DEFB108B: variants seen among roughly 807,000 people sequenced by gnomAD.
DEFB108B encodes the protein beta-defensin 108B.
A neutral mutation model predicts 2.4 loss-of-function variants in DEFB108B; 3 were observed. That is an observed-to-expected ratio of 1.25 (90% CI 0.57 to 3.24). The LOEUF (loss-of-function observed/expected upper bound fraction) is 3.24. Ranked by LOEUF, DEFB108B falls within the 30% of genes most tolerant of loss-of-function variation. The pLI, the probability that DEFB108B is intolerant of heterozygous loss-of-function variation, is 0.03. For synonymous variants in DEFB108B, 25 were observed against 28.7 expected (o/e 0.87, Z 0.41); for missense variants, 101 against 87.8 (o/e 1.15, Z -0.60).
chr11:71,834,248 A>G (rs752272767), intron 1 of DEFB108B, among the ~76,000 whole-genome samples: 5 of 152,150 alleles, frequency 3.3e-5, no homozygotes, highest in Non-Finnish European at 5.9e-5. Context: ...ACCATATCCA[A>G]TTATATTAAC....
At chr11:71,833,703 C>A (rs1952195515) in intron 1 of DEFB108B, among the ~76,000 whole-genome samples, 1 of 152,272 alleles carries the variant, frequency 6.6e-6, no homozygotes, top group Admixed American at 6.5e-5. Context: ...TCTAAGAAAT[C>A]TTTAACCTAT....
chr11:71,834,337 AT>A (rs1188681595), intron 1 of DEFB108B, among the ~76,000 whole-genome samples: 2 of 152,182 alleles, frequency 1.3e-5, no homozygotes, highest in Non-Finnish European at 1.5e-5. Flanking sequence ...TACTTGTTAA[AT>A]AGTCACCCTG....
At chr11:71,834,278 G>C (rs1373152521) in intron 1 of DEFB108B, among the ~76,000 whole-genome samples, 3 of 151,966 alleles carry the variant, frequency 2.0e-5, no homozygotes, top group African/African-American at 2.4e-5. Flanking sequence ...CACAACATCG[G>C]GGACTGACTT....
At chr11:71,836,323 C>T (rs1434315743) in intron 1 of DEFB108B, among the ~76,000 whole-genome samples, 3 of 152,146 alleles carry the variant, frequency 2.0e-5, no homozygotes, top group Non-Finnish European at 4.4e-5. Context: ...TTTGTGACCA[C>T]TGAAAAGTTA....
chr11:71,836,994 C>A (rs1194917361), intron 1 of DEFB108B: 6 of 170,128 alleles, frequency 3.5e-5, no homozygotes, highest in Non-Finnish European at 6.1e-5. Flanking sequence ...AGAGATGAAC[C>A]AAAAGAGATT....
At chr11:71,836,436 T>C (rs1590715585) in intron 1 of DEFB108B, among the ~76,000 whole-genome samples, 2 of 152,290 alleles carry the variant, frequency 1.3e-5, no homozygotes, top group Non-Finnish European at 2.9e-5. Context: ...GAATTGGCTT[T>C]TGTGTTCCAG....
chr11:71,835,727 G>A (rs1230959916), intron 1 of DEFB108B, among the ~76,000 whole-genome samples: 4 of 152,146 alleles, frequency 2.6e-5, no homozygotes, highest in African/African-American at 4.8e-5. Context: ...CCTGTGAACC[G>A]AGAGTAACAA....
At chr11:71,833,301 C>A in intron 1 of DEFB108B, 44 bp downstream of exon 1, 1 of 1,567,726 alleles carries the variant, frequency 6.4e-7, no homozygotes, top group Non-Finnish European at 8.7e-7. Flanking sequence ...TAACACCTTA[C>A]AGGGATTCAA....
intron 1 of DEFB108B, among the ~76,000 whole-genome samples, chr11:71,836,664 A>G (rs1190577670): frequency 6.6e-6 from 1 of 152,226 alleles, no homozygotes; most frequent in Non-Finnish European, 1.5e-5. Flanking sequence ...TTCAGCCTTT[A>G]AGAAGACCTT....
Position 71,837,517 on chromosome 11 carries a change from G to A in DEFB108B, c.177G>A (p.Leu59=). The change falls in exon 2 of 2, where the codon CTG becomes CTA. Residue 59 remains leucine, a synonymous_variant. Coordinates refer to ENST00000328698, the MANE Select transcript of DEFB108B (RefSeq NM_001002035.2). ...ATAGCCAACCCTGCTGCCTGCCTCT[G>A]GGGCATCAACCAAGAATTGAGAGCA... ...CLNSQPCCLP[L]GHQPRIESTT... 6.2e-7 allele frequency: 1 copy of A among 1,611,852 alleles called. No homozygotes were observed. The highest frequency in any genetic ancestry group is 8.5e-7 in the Non-Finnish European group (1 of 1,179,822).
intron 1 of DEFB108B, among the ~76,000 whole-genome samples, chr11:71,836,021 C>G (rs574344561): frequency 2.2e-4 from 34 of 152,268 alleles, no homozygotes; most frequent in South Asian, 8.3e-4. Flanking sequence ...GTGGTTCATC[C>G]TCTACACTAT....
intron 1 of DEFB108B, among the ~76,000 whole-genome samples, chr11:71,835,457 T>C (rs1309373902): frequency 6.6e-6 from 1 of 152,224 alleles, no homozygotes; most frequent in African/African-American, 2.4e-5. Flanking sequence ...ATGACATATA[T>C]GTACTACATT....
intron 1 of DEFB108B, among the ~76,000 whole-genome samples, chr11:71,836,779 A>G (rs1246273708): frequency 6.6e-6 from 1 of 152,256 alleles, no homozygotes; most frequent in South Asian, 2.1e-4. Flanking sequence ...GGGTGTAACA[A>G]GTACTGGCAC....
intron 1 of DEFB108B, among the ~76,000 whole-genome samples, chr11:71,834,258 C>T (rs190534422): frequency 7.2e-5 from 11 of 152,250 alleles, no homozygotes; most frequent in South Asian, 4.1e-4. Context: ...ATTATATTAA[C>T]TCGGTAGCAC....
In DEFB108B at chr11:71,836,873, C is replaced by T. The variant is rs113103252; in HGVS notation, c.59-526C>T. On this transcript the variant is annotated intron_variant, in intron 1 of 1. Coordinates refer to ENST00000328698, the MANE Select transcript of DEFB108B (RefSeq NM_001002035.2). ...CTCTCTAACAATTAAAGTATATTGT[C>T]TTTTAGGTCTATATTTCAGTTCTAC... is the stretch of plus-strand genomic sequence containing the variant. Among the ~76,000 whole-genome samples, 825 of 152,026 alleles carry T rather than the reference C, an allele frequency of 5.4e-3. 7 individuals are homozygous for T. Among genetic ancestry groups the T allele is most frequent in the African/African-American group, 0.019 (792 of 41,440 alleles).
intron 1 of DEFB108B, among the ~76,000 whole-genome samples, chr11:71,835,676 A>G (rs1002248466): frequency 2.0e-5 from 3 of 152,236 alleles, no homozygotes; most frequent in African/African-American, 4.8e-5. Flanking sequence ...ATAATGCTCA[A>G]TAGAATCAGG....
intron 1 of DEFB108B, chr11:71,834,597 A>G (rs1388955445): frequency 6.6e-6 from 1 of 152,252 alleles, no homozygotes; most frequent in Non-Finnish European, 1.5e-5. Context: ...AGAAGAAAAC[A>G]CAGGATGGTG....
intron 1 of DEFB108B, among the ~76,000 whole-genome samples, chr11:71,835,681 A>G (rs1408865324): frequency 6.6e-6 from 1 of 152,230 alleles, no homozygotes; most frequent in Non-Finnish European, 1.5e-5. Context: ...GCTCAATAGA[A>G]TCAGGTATAG....
intron 1 of DEFB108B, among the ~76,000 whole-genome samples, chr11:71,833,935 G>A (rs576774385): frequency 6.6e-6 from 1 of 152,190 alleles, no homozygotes; most frequent in Non-Finnish European, 1.5e-5. Context: ...TTGGAGAAGT[G>A]TGTCTAGGAC....
Sources: gnomAD v4.1 joint callset for allele counts (sites outside exome capture counted in the v4.1 genomes callset) on GRCh38, gnomAD v4.1.1 for gene constraint, MANE v1.5 for transcripts, NCBI Gene and HGNC (gene_info 2026-07-23, HGNC 2026-07-21) for gene names.